BNC2: variants seen among roughly 807,000 people sequenced by gnomAD.
BNC2 encodes basonuclin zinc finger protein 2.
BNC2 carries 20 observed loss-of-function variants against 76.3 expected under a neutral mutation model. That is an observed-to-expected ratio of 0.26 (90% CI 0.18 to 0.38). BNC2 has a LOEUF of 0.38. Ranked by LOEUF, BNC2 falls within the 10% of genes least tolerant of loss-of-function variation. The pLI is 1.00. For missense variants in BNC2, 1,382 were observed against 1,399.8 expected, an observed-to-expected ratio of 0.99 and a Z score of 0.20; for synonymous variants, 582 against 514.8, an observed-to-expected ratio of 1.13 and a Z score of -1.77.
chr9:16,771,468 G>T (rs1242723999), intron 1 of BNC2, among the ~76,000 whole-genome samples: 1 of 152,190 alleles, frequency 6.6e-6, no homozygotes, highest in African/African-American at 2.4e-5. Context: ...TGGCACCCAA[G>T]GTTTGGTTTT....
intron 3 of BNC2, among the ~76,000 whole-genome samples, chr9:16,688,872 T>C (rs868323647): frequency 2.6e-5 from 4 of 152,112 alleles, no homozygotes; most frequent in South Asian, 4.1e-4. Context: ...GCTGAGTACA[T>C]ATCTACTCTC....
In BNC2 at chr9:16,417,856, T is replaced by C. The variant is rs1820617339; in HGVS notation, c.*1133A>G. ...TAACGTATAAGCAAGAAGGATGCAA[T>C]GTTGATTCTAATAACATTCGGCACT... is the stretch of plus-strand genomic sequence containing the variant. On this transcript the variant is annotated 3_prime_UTR_variant, in exon 7 of 7. Transcript: ENST00000380672. 1 of 152,682 alleles carries C rather than the reference T, an allele frequency of 6.5e-6. No individual in the cohort carries two copies. Among genetic ancestry groups the C allele is most frequent in the African/African-American group, 2.4e-5 (1 of 41,464 alleles). 9.5% of individuals were successfully genotyped at this position (152,682 alleles called of 1,614,324 possible).
In BNC2 at chr9:16,791,644, T is replaced by C. The variant is rs561595022; in HGVS notation, c.4-53159A>G. 2.4e-4 allele frequency among the ~76,000 whole-genome samples: 36 copies of C among 152,174 alleles called. No homozygotes were observed. In the South Asian group the frequency reaches 5.4e-3, roughly 23 times the overall value. On this transcript the variant is annotated intron_variant, in intron 1 of 6. Transcript: ENST00000380672. ...CCCATTCACAGTCAACTATAACAGA[T>C]GAGAGGAGAAATCTAGATTATAATT...
At chr9:16,544,935 T>C (rs979413540) in intron 5 of BNC2, among the ~76,000 whole-genome samples, 1 of 152,182 alleles carries the variant, frequency 6.6e-6, no homozygotes, top group African/African-American at 2.4e-5. Context: ...CTACATACTT[T>C]TAAAATATTC....
At chr9:16,724,057 T>A (rs73646205) in intron 3 of BNC2, among the ~76,000 whole-genome samples, 26,456 of 151,926 alleles carry the variant, frequency 0.17, 2,289 homozygotes, top group East Asian at 0.24. Context: ...AATCCTAACT[T>A]AGTATTTCAC....
rs114903040 is a variant in BNC2 at position 16,733,329 on chromosome 9, C to A, written c.129+5031G>T. Among the ~76,000 whole-genome samples, 657 of 152,244 alleles carry A rather than the reference C, an allele frequency of 4.3e-3. 1 individual carries two copies. The highest frequency in any genetic ancestry group is 0.015 in the African/African-American group (617 of 41,542). Reference sequence around the variant, plus strand: ...CAAGCTTTTTCCCTTGTGAAACCTGCCATCCTTACTTTATTGTGTAAAGTT... The same window carrying A: ...CAAGCTTTTTCCCTTGTGAAACCTGACATCCTTACTTTATTGTGTAAAGTT... On this transcript the variant is annotated intron_variant, in intron 2 of 6. Transcript: ENST00000380672.
chr9:16,858,220 T>C (rs1006437023), intron 1 of BNC2, among the ~76,000 whole-genome samples: 1 of 152,208 alleles, frequency 6.6e-6, no homozygotes, highest in Admixed American at 6.5e-5. Flanking sequence ...CCAAAAACAA[T>C]TATTTCTGGG....
At position 16,646,787 on chromosome 9, in the gene BNC2, A is replaced by C. The variant is rs545194395; in HGVS notation, c.331-63702T>G. ...TTCGGGGTTAAATTAAAAAAATCCT[A>C]AATTTCTAAAAGGGATGCAAAAATA... On this transcript the variant is annotated intron_variant, in intron 3 of 6. Coordinates refer to ENST00000380672, the MANE Select transcript of BNC2 (RefSeq NM_017637.6). Among the ~76,000 whole-genome samples the C allele has an allele frequency of 2.0e-5, 3 of 152,284 alleles. No individual in the cohort carries two copies. In the South Asian group the frequency reaches 6.2e-4, roughly 32 times the overall value.
chr9:16,652,319 A>G (rs1438679329), intron 3 of BNC2, among the ~76,000 whole-genome samples: 3 of 152,210 alleles, frequency 2.0e-5, no homozygotes, highest in African/African-American at 7.2e-5. Flanking sequence ...ATACTATAAA[A>G]ACAAGTAAAA....
chr9:16,727,955 T>C lies in BNC2; in HGVS notation c.172A>G (p.Arg58Gly). 1 of 1,614,084 alleles carries C rather than the reference T, an allele frequency of 6.2e-7. No individual in the cohort carries two copies. The highest frequency in any genetic ancestry group is 2.2e-5 in the East Asian group (1 of 44,854). ...EVDVRERETQ[R>G]DREPKRARDL... ...CTTGCCCTCTTTGGCTCTCTGTCTCTCTGTGTCTCTCTTTCTCTCACATCC... is the reference window on the plus strand; with the variant it reads ...CTTGCCCTCTTTGGCTCTCTGTCTCCCTGTGTCTCTCTTTCTCTCACATCC... The change falls in exon 3 of 7, where the codon AGA becomes GGA. Residue 58 changes from arginine (R) to glycine (G), a missense_variant. Coordinates refer to ENST00000380672, the MANE Select transcript of BNC2 (RefSeq NM_017637.6).
chr9:16,511,991 A>G (rs1349360998), intron 5 of BNC2, among the ~76,000 whole-genome samples: 1 of 152,236 alleles, frequency 6.6e-6, no homozygotes, highest in East Asian at 1.9e-4. Flanking sequence ...GCAAATATAT[A>G]CAACAGAATC....
intron 5 of BNC2, among the ~76,000 whole-genome samples, chr9:16,453,708 A>G (rs757576135): frequency 2.6e-5 from 4 of 152,106 alleles, no homozygotes; most frequent in Non-Finnish European, 5.9e-5. Flanking sequence ...AGCTACTTCC[A>G]TATTCAGCTG....
chr9:16,739,881 T>G (rs1278980694), intron 1 of BNC2, among the ~76,000 whole-genome samples: 1 of 152,162 alleles, frequency 6.6e-6, no homozygotes, highest in Non-Finnish European at 1.5e-5. Context: ...TGAACTAGTT[T>G]GTGAGAATAT....
chr9:16,439,864 C>T (rs1222596154), intron 5 of BNC2, among the ~76,000 whole-genome samples: 1 of 152,150 alleles, frequency 6.6e-6, no homozygotes, highest in Non-Finnish European at 1.5e-5. Flanking sequence ...GATGTCCCTC[C>T]TTCATCATGT....
chr9:16,421,241 A>C, intron 6 of BNC2: 1 of 1,295,318 alleles, frequency 7.7e-7, no homozygotes, highest in Non-Finnish European at 1.0e-6. Flanking sequence ...CTCCAACTGC[A>C]CTTAGGAAGG....
At chr9:16,508,592 T>A (rs964896691) in intron 5 of BNC2, among the ~76,000 whole-genome samples, 3 of 152,200 alleles carry the variant, frequency 2.0e-5, no homozygotes, top group South Asian at 4.1e-4. Context: ...TGGCCAGAAT[T>A]CTTTGGTCAT....
intron 6 of BNC2, among the ~76,000 whole-genome samples, chr9:16,421,464 C>T (rs966331688): frequency 2.0e-5 from 3 of 152,130 alleles, no homozygotes; most frequent in Non-Finnish European, 4.4e-5. Flanking sequence ...CTGTCATAAG[C>T]GATCATCCCA....
chr9:16,652,258 A>G (rs1350110892), intron 3 of BNC2, among the ~76,000 whole-genome samples: 1 of 152,182 alleles, frequency 6.6e-6, no homozygotes, highest in Non-Finnish European at 1.5e-5. Flanking sequence ...CTTTTATTAG[A>G]ATTTTTTTTC....
intron 3 of BNC2, among the ~76,000 whole-genome samples, chr9:16,662,789 A>G (rs1308231147): frequency 6.6e-6 from 1 of 152,174 alleles, no homozygotes; most frequent in African/African-American, 2.4e-5. Context: ...AAAGGAATGA[A>G]TATTTGATGG....
Sources: allele counts gnomAD v4.1 joint callset (sites outside exome capture counted in the v4.1 genomes callset), GRCh38; gene constraint gnomAD v4.1.1; transcripts MANE v1.5; gene names NCBI Gene and HGNC (gene_info 2026-07-23, HGNC 2026-07-21).